The following THADA variants were observed in gnomAD, a reference collection of about 807,000 sequenced individuals.
THADA encodes the protein tRNA (32-2'-O)-methyltransferase regulator THADA.
A neutral mutation model predicts 219.8 loss-of-function variants in THADA; 213 were observed. The observed-to-expected ratio is 0.97, with a 90% CI of 0.87 to 1.09. The LOEUF is 1.09. Ranked by LOEUF, THADA falls within the 50% of genes least tolerant of loss-of-function variation. The pLI, the probability that THADA is intolerant of heterozygous loss-of-function variation, is 0.00. For synonymous variants in THADA, 1,018 were observed against 828.9 expected (o/e 1.23, Z -3.92); for missense variants, 2,956 against 2,311.3 (o/e 1.28, Z -5.72).
chr2:43,277,951 C>CT (rs761803232), intron 36 of THADA, among the ~76,000 whole-genome samples: 6,539 of 134,396 alleles, frequency 0.049, 539 homozygotes, highest in African/African-American at 0.16. Context: ...CAATATTGTT[C>CT]TTTTTTTTTT....
chr2:43,375,791 A>C (rs551483858), intron 29 of THADA, among the ~76,000 whole-genome samples: 1 of 152,330 alleles, frequency 6.6e-6, no homozygotes, highest in Non-Finnish European at 1.5e-5. Context: ...GTATCCCTTT[A>C]ATCTTGTTAC....
At chr2:43,253,549 A>G (rs1670024671) in intron 36 of THADA, among the ~76,000 whole-genome samples, 1 of 151,964 alleles carries the variant, frequency 6.6e-6, no homozygotes, top group African/African-American at 2.4e-5. Context: ...CCCTCTTGAT[A>G]GTTTTTCCTT....
chr2:43,501,306 C>CAAAAAAAAAAAA (rs1558864377), intron 24 of THADA, among the ~76,000 whole-genome samples: 13 of 12,282 alleles, frequency 1.1e-3, no homozygotes, highest in African/African-American at 3.5e-3. Flanking sequence ...AACTCCAACT[C>CAAAAAAAAAAAA]CAAAAAAAAA....
At chr2:43,332,397 T>C (rs1665893550) in intron 30 of THADA, among the ~76,000 whole-genome samples, 1 of 152,272 alleles carries the variant, frequency 6.6e-6, no homozygotes, top group African/African-American at 2.4e-5. Context: ...ATTCTAGCAT[T>C]GACACAATCT....
At chr2:43,293,296 C>T in intron 31 of THADA, 83 bp from the exon 32 acceptor site, 1 of 1,462,768 alleles carries the variant, frequency 6.8e-7, no homozygotes, top group Non-Finnish European at 9.2e-7. Flanking sequence ...AGACTGAATC[C>T]ACTGCGTGAG....
chr2:43,330,610 T>C (rs529376633), intron 30 of THADA, among the ~76,000 whole-genome samples: 1 of 152,348 alleles, frequency 6.6e-6, no homozygotes, highest in African/African-American at 2.4e-5. Flanking sequence ...AGGTCACTAC[T>C]GGAAAACAGC....
intron 28 of THADA, among the ~76,000 whole-genome samples, chr2:43,426,559 T>A (rs1490841884): frequency 6.6e-6 from 1 of 152,194 alleles, no homozygotes; most frequent in Non-Finnish European, 1.5e-5. Context: ...TGAAGGAGAC[T>A]GGTAACTTTG....
intron 26 of THADA, among the ~76,000 whole-genome samples, chr2:43,441,293 T>A (rs548134383): frequency 1.3e-5 from 2 of 152,172 alleles, no homozygotes; most frequent in African/African-American, 4.8e-5. Flanking sequence ...TTAGTTCAGC[T>A]AAAAGGCCAG....
At chr2:43,408,017 A>C (rs1675794416) in intron 28 of THADA, among the ~76,000 whole-genome samples, 1 of 152,246 alleles carries the variant, frequency 6.6e-6, no homozygotes, top group African/African-American at 2.4e-5. Flanking sequence ...GGTCTCATAC[A>C]TAAGGAATTG....
chr2:43,487,507 T>A (rs1687054922), intron 25 of THADA, among the ~76,000 whole-genome samples: 3 of 152,178 alleles, frequency 2.0e-5, no homozygotes, highest in Non-Finnish European at 4.4e-5. Context: ...GACACATGTC[T>A]TTTTAGTAAT....
At chr2:43,583,773 G>A (rs975883874) in intron 7 of THADA, among the ~76,000 whole-genome samples, 1 of 152,058 alleles carries the variant, frequency 6.6e-6, no homozygotes, top group African/African-American at 2.4e-5. Context: ...GAAGACCCTC[G>A]AAAACACGCC....
At chr2:43,571,949 A>G in intron 12 of THADA, 87 bp from the exon 13 acceptor site, 1 of 1,278,540 alleles carries the variant, frequency 7.8e-7, no homozygotes, top group Non-Finnish European at 1.1e-6. Flanking sequence ...CATAGGCTAC[A>G]AAAGGAAAAA....
intron 17 of THADA, among the ~76,000 whole-genome samples, chr2:43,553,610 G>A (rs1473914116): frequency 1.3e-5 from 2 of 152,182 alleles, no homozygotes; most frequent in African/African-American, 4.8e-5. Context: ...TTTTGTTATA[G>A]CAGCTCGAGC....
chr2:43,295,754 C>T (rs1675293530), intron 31 of THADA, among the ~76,000 whole-genome samples: 1 of 152,048 alleles, frequency 6.6e-6, no homozygotes, highest in Non-Finnish European at 1.5e-5. Flanking sequence ...TGAAAATTTG[C>T]ATAGACTTGC....
At chr2:43,516,503 C>G (rs771213133) in intron 22 of THADA, among the ~76,000 whole-genome samples, 2 of 152,150 alleles carry the variant, frequency 1.3e-5, no homozygotes, top group African/African-American at 2.4e-5. Context: ...TACTCTTCCT[C>G]CAGGTATTTA....
At chr2:43,473,481 C>G (rs905025037) in intron 26 of THADA, among the ~76,000 whole-genome samples, 1 of 152,086 alleles carries the variant, frequency 6.6e-6, no homozygotes, top group African/African-American at 2.4e-5. Context: ...GCCAGTTTTA[C>G]AGTTAACTTT....
intron 21 of THADA, among the ~76,000 whole-genome samples, chr2:43,534,868 G>C (rs1694344052): frequency 6.6e-6 from 1 of 151,996 alleles, no homozygotes; most frequent in African/African-American, 2.4e-5. Flanking sequence ...CCTAGTAGTG[G>C]GATTGCTGGA....
At chr2:43,232,469 T>C (rs1667553718) in intron 37 of THADA, among the ~76,000 whole-genome samples, 1 of 152,200 alleles carries the variant, frequency 6.6e-6, no homozygotes, top group South Asian at 2.1e-4. Flanking sequence ...TGAGCCGCTG[T>C]GCCCGGCCAG....
At chr2:43,375,109 T>C (rs892668579) in intron 29 of THADA, among the ~76,000 whole-genome samples, 6 of 152,170 alleles carry the variant, frequency 3.9e-5, no homozygotes, top group African/African-American at 1.2e-4. Context: ...AACTATATCA[T>C]GCCAGCCACT....
Sources: allele counts gnomAD v4.1 joint callset (sites outside exome capture counted in the v4.1 genomes callset), GRCh38; gene constraint gnomAD v4.1.1; transcripts MANE v1.5; gene names NCBI Gene and HGNC (gene_info 2026-07-23, HGNC 2026-07-21).